Variants in MAN1B1 observed in about 807,000 individuals in gnomAD.
The protein encoded by MAN1B1 is endoplasmic reticulum mannosyl-oligosaccharide 1,2-alpha-mannosidase.
Under a neutral mutation model 75.5 loss-of-function variants are expected in MAN1B1, and 66 were observed. That is an observed-to-expected ratio of 0.87 (90% CI 0.72 to 1.07). MAN1B1 has a LOEUF of 1.07. MAN1B1 is among the 50% of genes least tolerant of loss of function. The pLI, the probability that MAN1B1 is intolerant of heterozygous loss-of-function variation, is 0.00. For synonymous variants in MAN1B1, 453 were observed against 382.8 expected, an observed-to-expected ratio of 1.18 and a Z score of -2.14; for missense variants, 973 against 912.5, an observed-to-expected ratio of 1.07 and a Z score of -0.85.
rs116668948 is a variant in MAN1B1, at chr9:137,089,066, A to G, written c.465+61A>G. On this transcript the variant is annotated intron_variant, in intron 3 of 12. Transcript: ENST00000371589. The stretch of plus-strand genomic sequence containing the variant: ...GTTCAATCCAGAGGCATTTCAAACC[A>G]CTGAAGATTGAGAAGAATTATTTTC... 3.0e-3 allele frequency: 4,723 copies of G among 1,586,886 alleles called. 47 individuals are homozygous for G. Among genetic ancestry groups the G allele is most frequent in the African/African-American group, 0.025 (1,843 of 74,442 alleles).
intron 4 of MAN1B1, among the ~76,000 whole-genome samples, chr9:137,097,495 G>A (rs1241888421): frequency 5.9e-5 from 9 of 152,190 alleles, no homozygotes; most frequent in Non-Finnish European, 1.5e-5. Context: ...ACTGTCACTA[G>A]TGCTCCTGTT....
chr9:137,106,408 C>T (rs1428308742), intron 9 of MAN1B1, 93 bp downstream of exon 9: 1 of 1,215,724 alleles, frequency 8.2e-7, no homozygotes. Flanking sequence ...GCCCCCGCTC[C>T]TGCTGCCCCC....
At chr9:137,094,434 G>C in intron 3 of MAN1B1, 1 of 488,778 alleles carries the variant, frequency 2.0e-6, no homozygotes, top group Admixed American at 2.0e-5. Context: ...TGCATGACCT[G>C]GTGGAGAAGA....
intron 10 of MAN1B1, 126 bp downstream of exon 10, chr9:137,106,935 C>A: frequency 7.4e-7 from 1 of 1,346,448 alleles, no homozygotes; most frequent in Non-Finnish European, 1.0e-6. Flanking sequence ...CTGGGTGGAC[C>A]GTGGCTGCCT....
At chr9:137,103,569 A>G in intron 8 of MAN1B1, 1 of 442,916 alleles carries the variant, frequency 2.3e-6, no homozygotes, top group Non-Finnish European at 4.5e-6. Context: ...GGTGTTACAC[A>G]CATTCACACT....
At chr9:137,106,420 G>GCTC in intron 9 of MAN1B1, 105 bp downstream of exon 9, 2 of 1,131,174 alleles carry the variant, frequency 1.8e-6, no homozygotes, top group South Asian at 1.5e-5. Flanking sequence ...GCTGCCCCCC[G>GCTC]CCACACTGTG....
chr9:137,089,734 C>G (rs1346960676), intron 3 of MAN1B1, among the ~76,000 whole-genome samples: 2 of 151,894 alleles, frequency 1.3e-5, no homozygotes, highest in South Asian at 4.2e-4. Flanking sequence ...GCTGCCTGGC[C>G]GTGGGAAAAG....
At chr9:137,087,556 T>C in intron 1 of MAN1B1, 1 of 558,230 alleles carries the variant, frequency 1.8e-6, no homozygotes, top group Non-Finnish European at 3.4e-6. Flanking sequence ...CCGTGGTGTA[T>C]GCTCCCCTCG....
rs754882785 is a variant in MAN1B1, at chr9:137,108,554, C to T, written c.2063C>T (p.Thr688Ile). 6.2e-7 allele frequency: 1 copy of T among 1,613,886 alleles called. No homozygotes were observed. The highest frequency in any genetic ancestry group is 8.5e-7 in the Non-Finnish European group (1 of 1,180,004). Reference sequence around the variant, plus strand: ...AGCCTGGATGCCTACGTGTTCAACACCGAAGCCCACCCTCTGCCTATCTGG... The same window carrying T: ...AGCCTGGATGCCTACGTGTTCAACATCGAAGCCCACCCTCTGCCTATCTGG... Reference protein sequence around the residue: ...LLSLDAYVFNTEAHPLPIWTP... With the variant: ...LLSLDAYVFNIEAHPLPIWTP... Residue 688 changes from threonine to isoleucine, a missense_variant, in exon 13 of 13, where the codon ACC (threonine) becomes ATC (isoleucine). By Grantham distance (89) the Thr-to-Ile change is moderately conservative (BLOSUM62 -1). Transcript: ENST00000371589.
chr9:137,107,941 G>T (rs1461384365), intron 12 of MAN1B1: 17 of 637,610 alleles, frequency 2.7e-5, no homozygotes, highest in Non-Finnish European at 4.6e-5. Flanking sequence ...TCTGCTGTGG[G>T]CCCAGCATCC....
chr9:137,090,268 T>C (rs1830482340), intron 3 of MAN1B1, among the ~76,000 whole-genome samples: 1 of 152,152 alleles, frequency 6.6e-6, no homozygotes, highest in South Asian at 2.1e-4. Context: ...TTGGTACATC[T>C]GTGATTGTGT....
intron 10 of MAN1B1, chr9:137,107,043 T>C: frequency 1.3e-6 from 1 of 743,588 alleles, no homozygotes; most frequent in East Asian, 2.7e-5. Context: ...GCCCGGTGTG[T>C]AGCAGGTCCT....
chr9:137,106,951 G>C, intron 10 of MAN1B1, 142 bp downstream of exon 10: 1 of 1,214,538 alleles, frequency 8.2e-7, no homozygotes, highest in Non-Finnish European at 1.1e-6. Flanking sequence ...TGCCTGGCCA[G>C]GCCTGTCTTG....
At position 137,106,716 on chromosome 9, in the gene MAN1B1, C is replaced by CG. The variant is rs1483578107; in HGVS notation, c.1474dup (p.Glu492GlyfsTer15). 1 of 1,613,368 alleles carries CG rather than the reference C, an allele frequency of 6.2e-7. No individual in the cohort carries two copies. The highest frequency in any genetic ancestry group is 8.5e-7 in the Non-Finnish European group (1 of 1,180,010). Reference sequence around the variant, plus strand: ...TGCTGGAAGACTACGTGGAAGCCATCGAGGGTGTCAGAACGCACCTGCTGC... The same window carrying CG: ...TGCTGGAAGACTACGTGGAAGCCATCGGAGGGTGTCAGAACGCACCTGCTGC... On this transcript the variant is annotated frameshift_variant, in exon 10 of 13. Coordinates refer to ENST00000371589, the MANE Select transcript of MAN1B1 (RefSeq NM_016219.5). LOFTEE classifies it high-confidence loss of function.
At chr9:137,106,509 C>T (rs931826018) in intron 9 of MAN1B1, 180 bp from the exon 10 acceptor site, 17 of 1,074,166 alleles carry the variant, frequency 1.6e-5, no homozygotes, top group Non-Finnish European at 2.3e-5. Context: ...TCACCGTGGC[C>T]TCTGGGGGGG....
intron 3 of MAN1B1, among the ~76,000 whole-genome samples, chr9:137,090,375 G>A (rs997925819): frequency 2.6e-5 from 4 of 152,216 alleles, no homozygotes; most frequent in South Asian, 4.2e-4. Flanking sequence ...GACAGACAGC[G>A]CTTTCTAACA....
At chr9:137,090,306 C>T (rs1830483229) in intron 3 of MAN1B1, among the ~76,000 whole-genome samples, 1 of 152,134 alleles carries the variant, frequency 6.6e-6, no homozygotes, top group African/African-American at 2.4e-5. Flanking sequence ...GCCTTGGGAG[C>T]TTCACCTGTG....
intron 9 of MAN1B1, 97 bp from the exon 10 acceptor site, chr9:137,106,592 G>A: frequency 6.3e-7 from 1 of 1,583,976 alleles, no homozygotes; most frequent in South Asian, 1.1e-5. Flanking sequence ...GGCCAGGCCT[G>A]CTGTACTTGT....
chr9:137,099,395 G>A (rs1485322153), intron 5 of MAN1B1, among the ~76,000 whole-genome samples: 1 of 152,262 alleles, frequency 6.6e-6, no homozygotes, highest in African/African-American at 2.4e-5. Context: ...CCCAAGGAGG[G>A]TGTGCCTGCC....
Sources: gnomAD v4.1 joint callset for allele counts (sites outside exome capture counted in the v4.1 genomes callset) on GRCh38, gnomAD v4.1.1 for gene constraint, MANE v1.5 for transcripts, NCBI Gene and HGNC (gene_info 2026-07-23, HGNC 2026-07-21) for gene names.